AHNAK2: variants seen among roughly 807,000 people sequenced by gnomAD.
AHNAK2 encodes AHNAK nucleoprotein 2.
In AHNAK2, 18 loss-of-function variants were observed where a neutral mutation model predicts 30.7. The observed-to-expected ratio is 0.59, with a 90% CI of 0.41 to 0.87. AHNAK2 has a LOEUF of 0.87. Among genes scored for constraint, AHNAK2 ranks in the 40% least tolerant of loss-of-function variants. The pLI, the probability that AHNAK2 is intolerant of heterozygous loss-of-function variation, is 0.00. For missense variants in AHNAK2, 8,604 were observed against 7,373.0 expected (o/e 1.17, Z -6.11); for synonymous variants, 3,590 against 3,073.8 (o/e 1.17, Z -5.56).
Position 104,954,404 on chromosome 14 carries a change from C to G in AHNAK2, c.1047G>C (p.Gly349=). 6.2e-7 allele frequency: 1 copy of G among 1,613,086 alleles called. No individual in the cohort carries two copies. The highest frequency in any genetic ancestry group is 8.5e-7 in the Non-Finnish European group (1 of 1,179,792). ...TGQPGRGFQS[G]VGRAGVLEEL... ...CTTCCAGGACCCCAGCACGGCCCACCCCACTCTGGAACCCCCTGCCTGGCT... is the reference window on the plus strand; with the variant it reads ...CTTCCAGGACCCCAGCACGGCCCACGCCACTCTGGAACCCCCTGCCTGGCT... The change falls in exon 7 of 7, where the codon GGG becomes GGC. Residue 349 remains glycine (G), a synonymous_variant. Transcript: ENST00000333244. The surrounding 1 kb of genome is among the most constrained non-coding windows in gnomAD (Gnocchi z 4.3).
In AHNAK2 at chr14:104,949,829, C is replaced by A. The variant is rs368113443; in HGVS notation, c.5622G>T (p.Pro1874=). Residue 1874 remains proline (P), a synonymous_variant, in exon 7 of 7, where the codon CCG becomes CCT. Coordinates refer to ENST00000333244, the MANE Select transcript of AHNAK2 (RefSeq NM_138420.4). The stretch of plus-strand genomic sequence containing the variant: ...GGACCACCAGGTCTGCAGAAGGGAG[C>A]GGAATGCAGAGGTCCGTGGTCTTGA... ...GDLKTTDLCI[P]LPSADLVVQA... 1.9e-6 allele frequency: 3 copies of A among 1,586,964 alleles called. No homozygotes were observed. The highest frequency in any genetic ancestry group is 2.6e-6 in the Non-Finnish European group (3 of 1,163,018).
At chr14:104,958,169 C>G (rs1480773162) in intron 1 of AHNAK2, among the ~76,000 whole-genome samples, 1 of 152,222 alleles carries the variant, frequency 6.6e-6, no homozygotes, top group Admixed American at 6.5e-5. Context: ...TTTGTTCAGG[C>G]CGGGCACGGT....
chr14:104,959,393 A>G (rs1899071428), intron 1 of AHNAK2, among the ~76,000 whole-genome samples: 2 of 152,100 alleles, frequency 1.3e-5, no homozygotes, highest in South Asian at 4.2e-4. Context: ...GCTGGTCTTG[A>G]ACTCTTGACC....
chr14:104,941,420 A>T lies in AHNAK2; in HGVS notation c.14031T>A (p.Leu4677=). 3 of 1,613,176 alleles carry T rather than the reference A, an allele frequency of 1.9e-6. No homozygotes were observed. Among genetic ancestry groups the T allele is most frequent in the Non-Finnish European group, 1.7e-6 (2 of 1,179,744 alleles). ...AGTTACCATCGCGAGATGGATCATG[A>T]AGATCACCTTCATGAACAACAGATT... ...IVESVVHEGD[L]HDPSRDGNLG... is the part of the protein sequence containing the mutation. The change falls in exon 7 of 7, where the codon CTT becomes CTA. Residue 4677 remains leucine, a synonymous_variant. Coordinates refer to ENST00000333244, the MANE Select transcript of AHNAK2 (RefSeq NM_138420.4).
At position 104,944,582 on chromosome 14, in the gene AHNAK2, G is replaced by T. The variant is rs766736000; in HGVS notation, c.10869C>A (p.Asp3623Glu). 1.6e-5 allele frequency: 26 copies of T among 1,613,072 alleles called. No individual in the cohort carries two copies. Among genetic ancestry groups the T allele is most frequent in the Non-Finnish European group, 2.2e-5 (26 of 1,179,612 alleles). Residue 3623 changes from aspartate (D) to glutamate (E), a missense_variant, in exon 7 of 7, where the codon GAC (aspartate) becomes GAA (glutamate). Coordinates refer to ENST00000333244, the MANE Select transcript of AHNAK2 (RefSeq NM_138420.4). Reference sequence around the variant, plus strand: ...TCACGTCCTTGTCAGCCAGGGACAGGTCTCCCTCCAGCCGCCCAGCATCCA... The same window carrying T: ...TCACGTCCTTGTCAGCCAGGGACAGTTCTCCCTCCAGCCGCCCAGCATCCA... ...AKLDAGRLEG[D>E]LSLADKDVTA...
At position 104,937,957 on chromosome 14, in the gene AHNAK2, G is replaced by A; in HGVS notation, c.*106C>T. Reference sequence around the variant, plus strand: ...TGCTCTGTTCTCCGTTCTGTGAAGTGAGGTGGATGTAATGTGCTGTGGGAT... The same window carrying A: ...TGCTCTGTTCTCCGTTCTGTGAAGTAAGGTGGATGTAATGTGCTGTGGGAT... On this transcript the variant is annotated 3_prime_UTR_variant, in exon 7 of 7. Coordinates refer to ENST00000333244, the MANE Select transcript of AHNAK2 (RefSeq NM_138420.4). 6 of 1,191,838 alleles carry A rather than the reference G, an allele frequency of 5.0e-6. No individual in the cohort carries two copies. Among genetic ancestry groups the A allele is most frequent in the Non-Finnish European group, 7.1e-6 (6 of 847,546 alleles). The allele number at this position is 1,191,838 out of a possible 1,614,324, so 73.8% of individuals were successfully genotyped here. A position where few individuals can be genotyped will look rare whatever the true frequency, so the allele number is the denominator to read the frequency against.
chr14:104,977,821 C>G (rs542511675), intron 1 of AHNAK2, among the ~76,000 whole-genome samples: 1 of 152,294 alleles, frequency 6.6e-6, no homozygotes, highest in East Asian at 1.9e-4. Flanking sequence ...CGCCTCTCGA[C>G]CAGACAGCGT....
In AHNAK2 at chr14:104,946,116, T is replaced by C; in HGVS notation, c.9335A>G (p.Asp3112Gly). 1 of 1,611,672 alleles carries C rather than the reference T, an allele frequency of 6.2e-7. No homozygotes were observed. The highest frequency in any genetic ancestry group is 8.5e-7 in the Non-Finnish European group (1 of 1,179,262). Residue 3112 changes from aspartate (D) to glycine (G), a missense_variant, in exon 7 of 7, where the codon GAT becomes GGT. Physicochemically the swap from Asp to Gly is moderately conservative, Grantham distance 94. Transcript: ENST00000333244. ...CAACTTGGCTCCTGGGGCCTCGACA[T>C]CCACCTCCATGCCGGGCTGAGACAC... Reference protein sequence around the residue: ...VEVSQPGMEVDVEAPGAKLDG... With the variant: ...VEVSQPGMEVGVEAPGAKLDG...
rs773338298 is a variant in AHNAK2, at chr14:104,951,509, C to G, written c.3942G>C (p.Leu1314=). 2 of 1,247,772 alleles carry G rather than the reference C, an allele frequency of 1.6e-6. No homozygotes were observed. Among genetic ancestry groups the G allele is most frequent in the Admixed American group, 3.7e-5 (2 of 53,640 alleles). The allele number at this position is 1,247,772 out of a possible 1,614,324, so 77.3% of individuals were successfully genotyped here. ...KLDGAQLDGD[L]SLADKDVTAK... The stretch of plus-strand genomic sequence containing the variant: ...CAGTCACGTCCTTGTCAGCCAGGGA[C>G]AGGTCCCCGTCCAGCTGTGCGCCAT... The change falls in exon 7 of 7, where the codon CTG becomes CTC. Residue 1314 remains leucine, a synonymous_variant. Transcript: ENST00000333244.
In AHNAK2 at chr14:104,942,019, G is replaced by A; in HGVS notation, c.13432C>T (p.Pro4478Ser). 1 of 1,612,872 alleles carries A rather than the reference G, an allele frequency of 6.2e-7. No individual in the cohort carries two copies. Among genetic ancestry groups the A allele is most frequent in the Non-Finnish European group, 8.5e-7 (1 of 1,179,586 alleles). ...ACCGAGACCTCGATGGACTTGCCTG[G>A]GGACAACATCCCAAAGGATGGCATC... ...FKMPSFGMLS[P>S]GKSIEVSVDV... is the part of the protein sequence containing the mutation. Residue 4478 changes from proline to serine, a missense_variant, in exon 7 of 7, where the codon CCA (proline) becomes TCA (serine). By Grantham distance (74) the Pro-to-Ser change is moderately conservative. Transcript: ENST00000333244.
Position 104,947,094 on chromosome 14 carries a change from G to A in AHNAK2, c.8357C>T (p.Pro2786Leu), listed in dbSNP as rs543831294. The change falls in exon 7 of 7, where the codon CCG becomes CTG. Residue 2786 changes from proline (P) to leucine (L), a missense_variant. By Grantham distance (98) the Pro-to-Leu change is moderately conservative. Transcript: ENST00000333244. ...LSSMEVDVQA[P>L]RAKLDGARLE... ...CCGCGCACCATCCAGCTTTGCTCTCGGGGCCTGGACGTCCACCTCCATGCT... is the reference window on the plus strand; with the variant it reads ...CCGCGCACCATCCAGCTTTGCTCTCAGGGCCTGGACGTCCACCTCCATGCT... 5.6e-5 allele frequency: 91 copies of A among 1,612,564 alleles called. 2 individuals carry two copies. The South Asian group carries it at 8.8e-4, about 16-fold the overall frequency.
chr14:104,942,700 C>A lies in AHNAK2; in HGVS notation c.12751G>T (p.Asp4251Tyr), dbSNP rs748776039. The change falls in exon 7 of 7, where the codon GAT (aspartate) becomes TAT (tyrosine). Residue 4251 changes from aspartate to tyrosine, a missense_variant. Coordinates refer to ENST00000333244, the MANE Select transcript of AHNAK2 (RefSeq NM_138420.4). ...ACCTCCACGACGGGGGTCATCACAT[C>A]CGCCTTGGGGCCTTTCAGGTCCAGC... ...PKLDLKGPKA[D>Y]VMTPVVEVSL... The A allele has an allele frequency of 6.2e-7, 1 of 1,613,550 alleles. No individual in the cohort carries two copies. The highest frequency in any genetic ancestry group is 8.5e-7 in the Non-Finnish European group (1 of 1,179,740).
Position 104,947,753 on chromosome 14 carries a change from C to T in AHNAK2, c.7698G>A (p.Leu2566=). Residue 2566 remains leucine (L), a synonymous_variant, in exon 7 of 7, where the codon CTG becomes CTA. Coordinates refer to ENST00000333244, the MANE Select transcript of AHNAK2 (RefSeq NM_138420.4). Reference sequence around the variant, plus strand: ...TGAAACTGGGCATCTGCACCTTGGGCAGGTGCCCTTTGAGGCCGGCTCCCT... The same window carrying T: ...TGAAACTGGGCATCTGCACCTTGGGTAGGTGCCCTTTGAGGCCGGCTCCCT... The part of the protein sequence containing the change: ...VPEGAGLKGH[L]PKVQMPSFKM... 1 of 1,612,798 alleles carries T rather than the reference C, an allele frequency of 6.2e-7. No individual in the cohort carries two copies. The highest frequency in any genetic ancestry group is 1.7e-4 in the Middle Eastern group (1 of 6,052).
chr14:104,953,144 G>A lies in AHNAK2; in HGVS notation c.2307C>T (p.Pro769=), dbSNP rs1242546098. ...GCTTGGGGCCCTTGAGGTCCACTTT[G>A]GGCATCTTCAAACTGGGCCTCTGCA... is the stretch of plus-strand genomic sequence containing the variant. ...PKVQRPSLKM[P]KVDLKGPKLD... Residue 769 remains proline, a synonymous_variant, in exon 7 of 7, where the codon CCC becomes CCT. Transcript: ENST00000333244. 2 of 1,613,164 alleles carry A rather than the reference G, an allele frequency of 1.2e-6. No individual in the cohort carries two copies. Among genetic ancestry groups the A allele is most frequent in the East Asian group, 2.2e-5 (1 of 44,832 alleles).
Position 104,944,885 on chromosome 14 carries a change from G to A in AHNAK2, c.10566C>T (p.Ser3522=), listed in dbSNP as rs1566902959. 1.9e-6 allele frequency: 3 copies of A among 1,613,054 alleles called. No individual in the cohort carries two copies. The highest frequency in any genetic ancestry group is 1.3e-5 in the African/African-American group (1 of 74,750). Residue 3522 remains serine (S), a synonymous_variant, in exon 7 of 7, where the codon AGC becomes AGT. Transcript: ENST00000333244. ...CCAGGTCAGCGGAAGGGGGCTGAAT[G>A]CTGAGGTCAGTGGCCTTGAGGTCCC... The part of the protein sequence containing the change: ...MQGDLKATDL[S]IQPPSADLEV...
At chr14:104,978,050 G>A (rs899106674) in intron 1 of AHNAK2, 133 bp downstream of exon 1, 15 of 680,278 alleles carry the variant, frequency 2.2e-5, no homozygotes, top group Non-Finnish European at 2.8e-5. Flanking sequence ...AACCACGCGC[G>A]AGTCCCGCAG....
At chr14:104,955,376 G>A in intron 5 of AHNAK2, 107 bp downstream of exon 5, 1 of 1,457,038 alleles carries the variant, frequency 6.9e-7, no homozygotes, top group Non-Finnish European at 9.2e-7. Flanking sequence ...GCGTGAGGAG[G>A]TCATCCTAAG....
intron 1 of AHNAK2, among the ~76,000 whole-genome samples, chr14:104,967,754 A>C (rs1899343667): frequency 6.6e-6 from 1 of 152,202 alleles, no homozygotes; most frequent in African/African-American, 2.4e-5. Flanking sequence ...CCAGGAACAC[A>C]AACAGGAAGG....
chr14:104,978,247 C>T lies in AHNAK2; in HGVS notation c.-10G>A. ...GGAAGCAGTCGCACATCGCGGCGGC[C>T]AGGCGGTGCGGGCCTGGCGGCCCGT... On this transcript the variant is annotated 5_prime_UTR_variant, in exon 1 of 7. Coordinates refer to ENST00000333244, the MANE Select transcript of AHNAK2 (RefSeq NM_138420.4). The T allele has an allele frequency of 8.3e-7, 1 of 1,200,834 alleles. No individual in the cohort carries two copies. The highest frequency in any genetic ancestry group is 1.0e-6 in the Non-Finnish European group (1 of 967,742). 74.4% of individuals were successfully genotyped at this position (1,200,834 alleles called of 1,614,324 possible).
Sources: allele counts gnomAD v4.1 joint callset (sites outside exome capture counted in the v4.1 genomes callset), GRCh38; gene constraint gnomAD v4.1.1; non-coding constraint Gnocchi (gnomAD v3.1); transcripts MANE v1.5; gene names NCBI Gene and HGNC (gene_info 2026-07-23, HGNC 2026-07-21).